Variants in NAV3 observed in about 807,000 individuals in gnomAD.
NAV3 encodes neuron navigator 3.
A neutral mutation model predicts 244.7 loss-of-function variants in NAV3; 87 were observed. The ratio of observed to expected loss-of-function variants is 0.36; its 90% CI spans 0.30 to 0.42. The LOEUF (loss-of-function observed/expected upper bound fraction) is 0.42. NAV3 is among the 20% of genes least tolerant of loss of function. NAV3 has a pLI of 1.00. For missense variants in NAV3, 2,663 were observed against 2,893.3 expected (o/e 0.92, Z 1.83); for synonymous variants, 1,126 against 1,042.2 (o/e 1.08, Z -1.55).
chr12:77,705,678 C>G (rs923849937), intron 2 of NAV3, among the ~76,000 whole-genome samples: 2 of 151,256 alleles, frequency 1.3e-5, no homozygotes, highest in Admixed American at 1.3e-4. Flanking sequence ...TTGTTTGTTC[C>G]CCCGGGGGTC....
chr12:77,827,867 A>C (rs1193144627), upstream of NAV3, among the ~76,000 whole-genome samples: 1 of 152,242 alleles, frequency 6.6e-6, no homozygotes, highest in South Asian at 2.1e-4. Context: ...ATAACTAGGA[A>C]GTAAGGAAGC....
chr12:77,992,323 T>C (rs1176229896), intron 5 of NAV3, among the ~76,000 whole-genome samples: 2 of 152,158 alleles, frequency 1.3e-5, no homozygotes, highest in African/African-American at 2.4e-5. Flanking sequence ...AACATCGGAA[T>C]TGATGGAAAA....
chr12:77,709,358 C>T (rs1179333970), intron 2 of NAV3, among the ~76,000 whole-genome samples: 1 of 152,150 alleles, frequency 6.6e-6, no homozygotes, highest in Non-Finnish European at 1.5e-5. Context: ...ACTGAATGGG[C>T]AAAAACTGGA....
chr12:77,618,149 C>T (rs145358057), intron 2 of NAV3, among the ~76,000 whole-genome samples: 62 of 152,286 alleles, frequency 4.1e-4, no homozygotes, highest in African/African-American at 1.3e-3. Flanking sequence ...ATTCCCCAGC[C>T]CCAGTTGAGC....
intron 8 of NAV3, among the ~76,000 whole-genome samples, chr12:78,009,146 T>A (rs1874774922): frequency 6.6e-6 from 1 of 152,152 alleles, no homozygotes; most frequent in Non-Finnish European, 1.5e-5. Flanking sequence ...GTGGTTTCCA[T>A]TTGAAAATGT....
At chr12:77,655,350 G>A (rs1207879033) in intron 2 of NAV3, among the ~76,000 whole-genome samples, 2 of 152,186 alleles carry the variant, frequency 1.3e-5, no homozygotes, top group African/African-American at 4.8e-5. Flanking sequence ...GGAAGAAAGG[G>A]TATCAGTGAT....
intron 2 of NAV3, among the ~76,000 whole-genome samples, chr12:77,684,029 T>A (rs1435942056): frequency 3.9e-5 from 6 of 152,194 alleles, no homozygotes; most frequent in African/African-American, 1.4e-4. Context: ...TTTCTACAGA[T>A]GTTGAACAAT....
chr12:78,044,334 C>T (rs532071709), intron 9 of NAV3, among the ~76,000 whole-genome samples: 15 of 152,230 alleles, frequency 9.9e-5, no homozygotes, highest in African/African-American at 3.4e-4. Context: ...ATTACTATGG[C>T]CCTGGAGTAT....
rs1316998679 is a variant in NAV3, at chr12:78,119,749, G to C, written c.3553G>C (p.Gly1185Arg). 2 of 1,614,048 alleles carry C rather than the reference G, an allele frequency of 1.2e-6. No individual in the cohort carries two copies. The highest frequency in any genetic ancestry group is 1.7e-6 in the Non-Finnish European group (2 of 1,180,024). ...TSKLREPTKI[G>R]SGRSSPVTVN... Reference sequence around the variant, plus strand: ...GAAACTGAGAGAACCAACTAAAATTGGGTCAGGGCGCTCGAGTCCTGTCAC... The same window carrying C: ...GAAACTGAGAGAACCAACTAAAATTCGGTCAGGGCGCTCGAGTCCTGTCAC... The change falls in exon 15 of 40, where the codon GGG (glycine) becomes CGG (arginine). Residue 1185 changes from glycine to arginine, a missense_variant. Physicochemically the swap from Gly to Arg is moderately radical, Grantham distance 125. Coordinates refer to ENST00000397909, the MANE Select transcript of NAV3 (RefSeq NM_001024383.2).
At chr12:77,766,784 C>T (rs1228594347) in intron 2 of NAV3, among the ~76,000 whole-genome samples, 11 of 75,502 alleles carry the variant, frequency 1.5e-4, no homozygotes, top group Non-Finnish European at 2.3e-4. Flanking sequence ...GACGGAGTCT[C>T]GCTCTGTCAC....
intron 12 of NAV3, chr12:78,091,592 C>T (rs967570345): frequency 6.6e-6 from 1 of 151,608 alleles, no homozygotes; most frequent in East Asian, 1.9e-4. Context: ...GTCAGGAGAT[C>T]GAGACCATCC....
chr12:78,050,007 A>G lies in NAV3; in HGVS notation c.2038A>G (p.Thr680Ala), dbSNP rs2137225496. 1 of 1,610,472 alleles carries G rather than the reference A, an allele frequency of 6.2e-7. No individual in the cohort carries two copies. The highest frequency in any genetic ancestry group is 2.2e-5 in the East Asian group (1 of 44,746). Residue 680 changes from threonine (T) to alanine (A), a missense_variant, in exon 10 of 40, where the codon ACA (threonine) becomes GCA (alanine). This residue lies in a region of NAV3 where 1,521 missense variants were observed against 1,497.0 expected (regional missense o/e 1.02). Transcript: ENST00000397909. The stretch of plus-strand genomic sequence containing the variant: ...TGCTTTCCTAGGTGAAGACCCTGAA[A>G]CAAGAAGAATGAGAACAGTTAAAAA... ...LEEISGEDPETRRMRTVKNIA... is the reference protein window; with the variant it reads ...LEEISGEDPEARRMRTVKNIA...
chr12:77,613,534 A>G (rs892751081), intron 2 of NAV3, among the ~76,000 whole-genome samples: 1 of 152,062 alleles, frequency 6.6e-6, no homozygotes, highest in East Asian at 1.9e-4. Flanking sequence ...GTTTCCTATT[A>G]TTCTTTCTTG....
chr12:77,884,920 A>C (rs915191642), intron 1 of NAV3, among the ~76,000 whole-genome samples: 11 of 152,058 alleles, frequency 7.2e-5, no homozygotes, highest in Non-Finnish European at 1.3e-4. Context: ...TTATTAATGA[A>C]TTTCTCCCAT....
intron 9 of NAV3, among the ~76,000 whole-genome samples, chr12:78,039,373 G>T (rs139405724): frequency 5.7e-4 from 86 of 152,096 alleles, no homozygotes; most frequent in African/African-American, 2.0e-3. Context: ...ACAGATTAAG[G>T]TTTGTCCTAT....
chr12:78,083,604 G>T (rs1041687110), intron 12 of NAV3, among the ~76,000 whole-genome samples: 1 of 152,058 alleles, frequency 6.6e-6, no homozygotes, highest in African/African-American at 2.4e-5. Flanking sequence ...ATCCTTTAAT[G>T]ATCTTGCCTT....
At chr12:77,622,666 CTCATA>C (rs1274745385) in intron 2 of NAV3, among the ~76,000 whole-genome samples, 2 of 150,212 alleles carry the variant, frequency 1.3e-5, no homozygotes, top group African/African-American at 4.9e-5. Flanking sequence ...CAATAAAATC[CTCATA>C]TCATAATTCC....
chr12:77,766,488 G>T (rs1352037269), intron 2 of NAV3, among the ~76,000 whole-genome samples: 1 of 152,064 alleles, frequency 6.6e-6, no homozygotes, highest in Non-Finnish European at 1.5e-5. Context: ...TCATCAACTT[G>T]CTGTCTAATG....
intron 1 of NAV3, among the ~76,000 whole-genome samples, chr12:77,916,450 A>G (rs1378962535): frequency 1.3e-5 from 2 of 152,006 alleles, no homozygotes; most frequent in African/African-American, 4.8e-5. Context: ...TCCTATCAAG[A>G]GAAGAAAAGA....
Sources: gnomAD v4.1 joint callset for allele counts (sites outside exome capture counted in the v4.1 genomes callset) on GRCh38, gnomAD v4.1.1 for gene constraint, gnomAD v4.1.1 regional missense constraint, MANE v1.5 for transcripts, NCBI Gene and HGNC (gene_info 2026-07-23, HGNC 2026-07-21) for gene names.